SRFBP1: variants seen among roughly 807,000 people sequenced by gnomAD.
SRFBP1 encodes serum response factor binding protein 1.
A neutral mutation model predicts 45.5 loss-of-function variants in SRFBP1; 47 were observed. The ratio of observed to expected loss-of-function variants is 1.03; its 90% CI spans 0.82 to 1.32. The LOEUF is 1.32. Ranked by LOEUF, SRFBP1 falls within the 40% of genes most tolerant of loss-of-function variation. The probability of loss-of-function intolerance (pLI) is 0.00; values close to 1 mark genes in which losing one functional copy is unlikely to be tolerated. For missense variants in SRFBP1, 621 were observed against 484.6 expected, an observed-to-expected ratio of 1.28 and a Z score of -2.64; for synonymous variants, 203 against 166.3, an observed-to-expected ratio of 1.22 and a Z score of -1.70.
chr5:122,066,789 A>T, intron 2 of SRFBP1: 1 of 1,329,376 alleles, frequency 7.5e-7, no homozygotes, highest in Non-Finnish European at 1.1e-6. Context: ...TATTAACCTG[A>T]TAATATAATG....
intron 2 of SRFBP1, among the ~76,000 whole-genome samples, chr5:122,041,983 A>G (rs1032744813): frequency 2.6e-5 from 4 of 151,838 alleles, no homozygotes; most frequent in Non-Finnish European, 5.9e-5. Context: ...ACTGAAGTGT[A>G]TTTTTTTTCA....
At chr5:121,982,891 A>T (rs892755002) in intron 3 of SRFBP1, among the ~76,000 whole-genome samples, 4 of 151,716 alleles carry the variant, frequency 2.6e-5, no homozygotes, top group African/African-American at 9.7e-5. Flanking sequence ...TAATTCTGGA[A>T]ATTTGAACCT....
intron 2 of SRFBP1, among the ~76,000 whole-genome samples, chr5:122,060,256 G>A (rs1000403473): frequency 2.6e-5 from 4 of 152,016 alleles, no homozygotes; most frequent in African/African-American, 7.2e-5. Flanking sequence ...CAGCCTGGAA[G>A]GAAATATTTT....
At chr5:121,994,495 A>G in intron 3 of SRFBP1, 104 bp from the exon 4 acceptor site, 1 of 706,592 alleles carries the variant, frequency 1.4e-6, no homozygotes, top group Non-Finnish European at 2.4e-6. Context: ...TCTCAAAATT[A>G]AGATGTTATT....
chr5:122,022,495 T>C (rs1753382191), intron 7 of SRFBP1, 88 bp downstream of exon 7: 1 of 1,076,328 alleles, frequency 9.3e-7, no homozygotes, highest in East Asian at 2.6e-5. Flanking sequence ...TTGCTTAATA[T>C]AGCCTGAATG....
rs1334068493 is a variant in SRFBP1, at chr5:122,014,977, C to T, written c.271-4283C>T. Among the ~76,000 whole-genome samples the T allele has an allele frequency of 2.6e-5, 4 of 152,144 alleles. 1 individual carries two copies. In the South Asian group the frequency reaches 6.2e-4, roughly 24 times the overall value. The stretch of plus-strand genomic sequence containing the variant: ...TTTTAATCAAAATCTGGTTAGGATT[C>T]CCAGAATTTCTTATGTCTGTTTTAT... On this transcript the variant is annotated intron_variant, in intron 4 of 7. Transcript: ENST00000339397.
At chr5:122,071,397 C>T (rs563983064) in intron 2 of SRFBP1, among the ~76,000 whole-genome samples, 1 of 152,220 alleles carries the variant, frequency 6.6e-6, no homozygotes, top group Admixed American at 6.5e-5. Context: ...AACTACCCCA[C>T]TATACTCTCT....
intron 3 of SRFBP1, among the ~76,000 whole-genome samples, chr5:121,978,495 C>A (rs915300041): frequency 2.0e-5 from 3 of 149,610 alleles, no homozygotes; most frequent in Admixed American, 2.0e-4. Flanking sequence ...ATCTGTATTT[C>A]TTTTTTTTTT....
At chr5:121,967,296 T>G (rs1438933401) in intron 1 of SRFBP1, among the ~76,000 whole-genome samples, 1 of 152,210 alleles carries the variant, frequency 6.6e-6, no homozygotes, top group African/African-American at 2.4e-5. Flanking sequence ...AGGTGCATAG[T>G]ACTTTTTAAT....
At position 122,040,198 on chromosome 5, in the gene SRFBP1, A is replaced by G. The variant is rs188032115; in HGVS notation, n.311+17791A>G. ...TAACCTGGGAAGTATTTGTATTTCA[A>G]ACATCTCTTTTTGTTATTCTCTAAT... On this transcript the variant is annotated intron_variant and non_coding_transcript_variant, in intron 2 of 2. Transcript: ENST00000504881. 7.3e-3 allele frequency among the ~76,000 whole-genome samples: 1,106 copies of G among 152,200 alleles called. 6 individuals carry two copies. The highest frequency in any genetic ancestry group is 0.012 in the Non-Finnish European group (825 of 67,984).
intron 4 of SRFBP1, among the ~76,000 whole-genome samples, chr5:121,997,534 A>T (rs963621494): frequency 6.6e-6 from 1 of 151,842 alleles, no homozygotes; most frequent in Non-Finnish European, 1.5e-5. Flanking sequence ...TTAAAGATTT[A>T]AACGTTAGAC....
intron 2 of SRFBP1, among the ~76,000 whole-genome samples, chr5:122,058,090 C>G (rs922318615): frequency 1.3e-5 from 2 of 152,092 alleles, no homozygotes; most frequent in Non-Finnish European, 2.9e-5. Flanking sequence ...AAAATGATGT[C>G]CATTTAACCT....
intron 6 of SRFBP1, 120 bp from the exon 7 acceptor site, chr5:122,022,250 G>A: frequency 1.4e-6 from 1 of 704,454 alleles, no homozygotes; most frequent in East Asian, 2.9e-5. Context: ...TTGTTTGCTG[G>A]TGTGACTAAG....
intron 2 of SRFBP1, chr5:122,063,098 C>T (rs938903744): frequency 5.9e-5 from 9 of 151,746 alleles, no homozygotes; most frequent in Non-Finnish European, 1.2e-4. Context: ...GTACAAAAGG[C>T]AATTAAGAGA....
chr5:122,035,085 G>T (rs1194345093), intron 2 of SRFBP1, among the ~76,000 whole-genome samples: 1 of 151,790 alleles, frequency 6.6e-6, no homozygotes, highest in Non-Finnish European at 1.5e-5. Flanking sequence ...CCTTTCACAA[G>T]TCACAGTGAG....
rs1305573764 is a variant in SRFBP1, at chr5:122,020,722, C to T, written c.987C>T (p.Asp329=). The change falls in exon 6 of 8, where the codon GAC becomes GAT. Residue 329 remains aspartate, a synonymous_variant. Coordinates refer to ENST00000339397, the MANE Select transcript of SRFBP1 (RefSeq NM_152546.3). The stretch of plus-strand genomic sequence containing the variant: ...AAACTCATGGGGATACAAGAAATGA[C>T]AAAATCAAGCCAAGTACAGAAACCA... ...TGETHGDTRN[D]KIKPSTETRK... The T allele has an allele frequency of 3.7e-6, 6 of 1,611,382 alleles. No individual in the cohort carries two copies. The highest frequency in any genetic ancestry group is 1.3e-5 in the African/African-American group (1 of 74,728).
At chr5:122,057,870 G>A (rs1426898726) in intron 2 of SRFBP1, among the ~76,000 whole-genome samples, 1 of 151,928 alleles carries the variant, frequency 6.6e-6, no homozygotes, top group Non-Finnish European at 1.5e-5. Flanking sequence ...TAGAGACGGA[G>A]TCTTTTCAGA....
chr5:122,024,605 C>T (rs1436539114), intron 7 of SRFBP1, among the ~76,000 whole-genome samples: 1 of 152,128 alleles, frequency 6.6e-6, no homozygotes, highest in African/African-American at 2.4e-5. Flanking sequence ...GGCCATAACT[C>T]AATTAGCCAT....
At chr5:121,986,647 G>C (rs1580508149) in intron 3 of SRFBP1, among the ~76,000 whole-genome samples, 1 of 152,082 alleles carries the variant, frequency 6.6e-6, no homozygotes, top group East Asian at 1.9e-4. Flanking sequence ...AGCCTACATA[G>C]CTTGTTTGAG....
Sources: gnomAD v4.1 joint callset for allele counts (sites outside exome capture counted in the v4.1 genomes callset) on GRCh38, gnomAD v4.1.1 for gene constraint, MANE v1.5 for transcripts, NCBI Gene and HGNC (gene_info 2026-07-23, HGNC 2026-07-21) for gene names.